The following TMEM170B variants were observed in gnomAD, a reference collection of about 807,000 sequenced individuals.
The protein encoded by TMEM170B is transmembrane protein 170B.
In TMEM170B, 6 loss-of-function variants were observed where a neutral mutation model predicts 13.0. The observed-to-expected ratio is 0.46, with a 90% CI of 0.25 to 0.91. The LOEUF is 0.91. TMEM170B is among the 40% of genes least tolerant of loss of function. The probability of loss-of-function intolerance (pLI) is 0.17; values close to 1 mark genes in which losing one functional copy is unlikely to be tolerated. For missense variants in TMEM170B, 138 were observed against 165.2 expected, an observed-to-expected ratio of 0.84 and a Z score of 0.90; for synonymous variants, 61 against 64.9, an observed-to-expected ratio of 0.94 and a Z score of 0.29.
intron 1 of TMEM170B, among the ~76,000 whole-genome samples, 157 bp downstream of exon 1, chr6:11,538,531 C>T (rs1393572412): frequency 2.6e-5 from 4 of 152,272 alleles, no homozygotes; most frequent in South Asian, 2.1e-4. Flanking sequence ...CGGAGCCACT[C>T]TGCGCGTGTC....
chr6:11,572,615 G>A (rs1759819671), intron 2 of TMEM170B, among the ~76,000 whole-genome samples: 1 of 152,022 alleles, frequency 6.6e-6, no homozygotes, highest in African/African-American at 2.4e-5. Context: ...TTTATTACGT[G>A]AGTAATATAT....
rs115156814 is a variant in TMEM170B, at chr6:11,579,704, G to A, written c.*4143G>A. The A allele has an allele frequency of 1.1e-3, 165 of 152,296 alleles. 1 individual carries two copies. Among genetic ancestry groups the A allele is most frequent in the African/African-American group, 3.8e-3 (158 of 41,550 alleles). 9.4% of individuals were successfully genotyped at this position (152,296 alleles called of 1,614,324 possible). ...AAATTAGGAGTTCTGTTGACCACTG[G>A]TTAAAATAGGAAAAGGGTAGAGAGG... On this transcript the variant is annotated 3_prime_UTR_variant, in exon 3 of 3. Transcript: ENST00000379426.
intron 2 of TMEM170B, among the ~76,000 whole-genome samples, chr6:11,570,097 G>C (rs2113780788): frequency 6.6e-6 from 1 of 152,064 alleles, no homozygotes; most frequent in East Asian, 1.9e-4. Flanking sequence ...GAATATAGAG[G>C]ATAATTTGGG....
chr6:11,559,376 T>G (rs1759631241), intron 1 of TMEM170B, among the ~76,000 whole-genome samples: 1 of 152,010 alleles, frequency 6.6e-6, no homozygotes, highest in African/African-American at 2.4e-5. Context: ...TTTTTAATTT[T>G]TTGTAGAGAC....
intron 1 of TMEM170B, among the ~76,000 whole-genome samples, chr6:11,542,084 A>C (rs1474452786): frequency 6.6e-6 from 1 of 152,216 alleles, no homozygotes; most frequent in Non-Finnish European, 1.5e-5. Context: ...AAGTGAGCCC[A>C]TGCTGTTGGA....
At chr6:11,567,371 G>A (rs546157271) in intron 2 of TMEM170B, among the ~76,000 whole-genome samples, 11 of 152,332 alleles carry the variant, frequency 7.2e-5, no homozygotes, top group African/African-American at 2.6e-4. Flanking sequence ...CACTGGATCT[G>A]TTTTGGGACT....
chr6:11,553,401 A>T (rs1182119494), intron 1 of TMEM170B, among the ~76,000 whole-genome samples: 1 of 152,210 alleles, frequency 6.6e-6, no homozygotes, highest in African/African-American at 2.4e-5. Context: ...ATGTTAGGTG[A>T]GCAGCTATTG....
chr6:11,541,008 C>T (rs1321164364), intron 1 of TMEM170B, among the ~76,000 whole-genome samples: 1 of 152,032 alleles, frequency 6.6e-6, no homozygotes, highest in African/African-American at 2.4e-5. Context: ...CAACAGTGGG[C>T]TTCACATATT....
At chr6:11,565,626 G>A (rs752973649) in intron 1 of TMEM170B, 40 bp from the exon 2 acceptor site, 40 of 1,607,076 alleles carry the variant, frequency 2.5e-5, no homozygotes, top group Middle Eastern at 1.7e-4. Context: ...TTTCTAAGTT[G>A]TGTTTCAACA....
In TMEM170B at chr6:11,580,819, TGG is replaced by T. The variant is rs953578504; in HGVS notation, c.*5259_*5260del. On this transcript the variant is annotated 3_prime_UTR_variant, in exon 3 of 3. Coordinates refer to ENST00000379426, the MANE Select transcript of TMEM170B (RefSeq NM_001100829.3). ...GTTTTGTTAGGACTAGAAACTATAC[TGG>T]ATGAGTATGTATACTGCATGTTTAC... is the stretch of plus-strand genomic sequence containing the variant. The T allele has an allele frequency of 1.7e-4, 26 of 152,350 alleles. No homozygotes were observed. Among genetic ancestry groups the T allele is most frequent in the African/African-American group, 6.0e-4 (25 of 41,578 alleles). The allele number at this position is 152,350 out of a possible 1,614,324, so 9.4% of individuals were successfully genotyped here.
intron 2 of TMEM170B, 48 bp downstream of exon 2, chr6:11,565,884 C>A (rs752402067): frequency 1.8e-5 from 28 of 1,573,268 alleles, no homozygotes; most frequent in Non-Finnish European, 2.2e-5. Context: ...TATACACTTA[C>A]CATTTTGGTA....
chr6:11,539,500 A>C (rs928224421), intron 1 of TMEM170B, among the ~76,000 whole-genome samples: 2 of 152,196 alleles, frequency 1.3e-5, no homozygotes, highest in African/African-American at 4.8e-5. Flanking sequence ...CATAGAAGAA[A>C]ATTTTATGGA....
chr6:11,543,550 T>C (rs1157556910), intron 1 of TMEM170B, among the ~76,000 whole-genome samples: 1 of 152,244 alleles, frequency 6.6e-6, no homozygotes, highest in Non-Finnish European at 1.5e-5. Flanking sequence ...AAGAGTAACT[T>C]GCTTAGATCT....
At chr6:11,556,703 C>T (rs1339309931) in intron 1 of TMEM170B, among the ~76,000 whole-genome samples, 2 of 152,062 alleles carry the variant, frequency 1.3e-5, no homozygotes, top group African/African-American at 4.8e-5. Context: ...GAATTGGGTC[C>T]TGGGTCCTGG....
At chr6:11,571,445 C>T (rs1393949447) in intron 2 of TMEM170B, among the ~76,000 whole-genome samples, 1 of 152,156 alleles carries the variant, frequency 6.6e-6, no homozygotes, top group Non-Finnish European at 1.5e-5. Flanking sequence ...GCTGATGACT[C>T]TCCTGTTCCC....
chr6:11,539,117 C>T (rs1759325415), intron 1 of TMEM170B, among the ~76,000 whole-genome samples: 1 of 152,112 alleles, frequency 6.6e-6, no homozygotes, highest in African/African-American at 2.4e-5. Context: ...AGTGATAAAA[C>T]ACACAATATT....
chr6:11,555,747 A>G (rs896097533), intron 1 of TMEM170B, among the ~76,000 whole-genome samples: 3 of 152,278 alleles, frequency 2.0e-5, no homozygotes, highest in Admixed American at 6.5e-5. Context: ...GTTATTCTAC[A>G]AACTGGGCCA....
chr6:11,550,048 G>C (rs940877453), intron 1 of TMEM170B, among the ~76,000 whole-genome samples: 6 of 151,986 alleles, frequency 3.9e-5, no homozygotes, highest in Non-Finnish European at 8.8e-5. Flanking sequence ...GTGTTGCCCA[G>C]GCTGGTCTCA....
At chr6:11,560,157 TTTTTTTATTTTTTA>T (rs924423415) in intron 1 of TMEM170B, among the ~76,000 whole-genome samples, 14 of 151,736 alleles carry the variant, frequency 9.2e-5, no homozygotes, top group African/African-American at 2.9e-4. Flanking sequence ...TTTATTTTTA[TTTTTTTATTTTTTA>T]TTTTTTATTT....
Sources: allele counts gnomAD v4.1 joint callset (sites outside exome capture counted in the v4.1 genomes callset), GRCh38; gene constraint gnomAD v4.1.1; transcripts MANE v1.5; gene names NCBI Gene and HGNC (gene_info 2026-07-23, HGNC 2026-07-21).